TESK2: variants seen among roughly 807,000 people sequenced by gnomAD.
The protein encoded by TESK2 is testis associated actin remodelling kinase 2.
A neutral mutation model predicts 57.1 loss-of-function variants in TESK2; 39 were observed. The observed-to-expected ratio is 0.68, with a 90% CI of 0.53 to 0.89. The LOEUF (loss-of-function observed/expected upper bound fraction) is 0.89. Ranked by LOEUF, TESK2 falls within the 40% of genes least tolerant of loss-of-function variation. The pLI, the probability that TESK2 is intolerant of heterozygous loss-of-function variation, is 0.00. For synonymous variants in TESK2, 249 were observed against 267.9 expected, an observed-to-expected ratio of 0.93 and a Z score of 0.69; for missense variants, 646 against 732.1, an observed-to-expected ratio of 0.88 and a Z score of 1.36.
chr1:45,462,250 T>C (rs1049714213), intron 1 of TESK2, among the ~76,000 whole-genome samples: 2 of 151,930 alleles, frequency 1.3e-5, no homozygotes, highest in Non-Finnish European at 2.9e-5. Context: ...GTTCCATCCA[T>C]GCTGTTGCAA....
At chr1:45,421,309 A>C (rs953817910) in intron 3 of TESK2, among the ~76,000 whole-genome samples, 6 of 152,188 alleles carry the variant, frequency 3.9e-5, no homozygotes, top group Non-Finnish European at 8.8e-5. Context: ...GAGTGCTAAA[A>C]GTTAAGGATA....
chr1:45,453,180 C>CAA (rs540991542), intron 2 of TESK2, among the ~76,000 whole-genome samples: 1 of 149,298 alleles, frequency 6.7e-6, no homozygotes, highest in African/African-American at 2.5e-5. Flanking sequence ...CACAACTCTA[C>CAA]AAAAAAAAAT....
At position 45,382,518 on chromosome 1, in the gene TESK2, C is replaced by T. The variant is rs185520077; in HGVS notation, c.393+3394G>A. Among the ~76,000 whole-genome samples the T allele has an allele frequency of 2.6e-4, 40 of 152,286 alleles. No individual in the cohort carries two copies. In the East Asian group the frequency reaches 5.4e-3, roughly 21 times the overall value. On this transcript the variant is annotated intron_variant, in intron 4 of 10. Transcript: ENST00000372086. ...CCTCTGGAAGTGTTGGGATTACAGG[C>T]GTGAACTACCATGCCCAGACTATGC...
chr1:45,368,941 G>A (rs1262300318), intron 4 of TESK2, among the ~76,000 whole-genome samples: 2 of 150,696 alleles, frequency 1.3e-5, no homozygotes, highest in Non-Finnish European at 3.0e-5. Context: ...TTTTAGTGGA[G>A]ATGGGGTTTC....
intron 1 of TESK2, among the ~76,000 whole-genome samples, chr1:45,471,315 G>A (rs967101136): frequency 2.0e-5 from 3 of 152,164 alleles, no homozygotes; most frequent in African/African-American, 7.2e-5. Flanking sequence ...CTGGTAGGAG[G>A]ATGTACAAAA....
intron 1 of TESK2, among the ~76,000 whole-genome samples, chr1:45,483,523 G>T (rs534859700): frequency 1.3e-5 from 2 of 151,736 alleles, no homozygotes; most frequent in Non-Finnish European, 2.9e-5. Flanking sequence ...GCTTGAACCC[G>T]GCAGGCAGAG....
In TESK2 at chr1:45,345,304, G is replaced by A. The variant is rs754538251; in HGVS notation, c.1252C>T (p.Leu418=). 3.7e-6 allele frequency: 6 copies of A among 1,614,138 alleles called. No individual in the cohort carries two copies. The Admixed American group carries it at 8.3e-5, about 22-fold the overall frequency. The part of the protein sequence containing the change: ...LMGGKIKFFD[L]PSKSVISLVF... ...AGAGAGATGACAGACTTGCTGGGCA[G>A]GTCAAAAAACTTGATCTTGCCCCCC... The change falls in exon 11 of 11, where the codon CTG becomes TTG. Residue 418 remains leucine, a synonymous_variant. Coordinates refer to ENST00000372086, the MANE Select transcript of TESK2 (RefSeq NM_007170.3).
rs1399709567 is a variant in TESK2 at position 45,481,776 on chromosome 1, C to T, written c.-87+9076G>A. Among the ~76,000 whole-genome samples, 4 of 152,044 alleles carry T rather than the reference C, an allele frequency of 2.6e-5. No individual in the cohort carries two copies. In the East Asian group the frequency reaches 5.8e-4, roughly 22 times the overall value. ...TGAATGCAGAAAATATATGTAGATA[C>T]TAGTCTATTTTATTATTTACTATAA... is the stretch of plus-strand genomic sequence containing the variant. On this transcript the variant is annotated intron_variant, in intron 1 of 10. Coordinates refer to ENST00000372086, the MANE Select transcript of TESK2 (RefSeq NM_007170.3).
chr1:45,407,139 G>C (rs1226742463), intron 3 of TESK2, among the ~76,000 whole-genome samples: 1 of 152,148 alleles, frequency 6.6e-6, no homozygotes, highest in Non-Finnish European at 1.5e-5. Context: ...AGGCTAGAGT[G>C]CAGCGGTGTG....
intron 2 of TESK2, among the ~76,000 whole-genome samples, chr1:45,444,461 G>A (rs1442929658): frequency 1.3e-5 from 2 of 152,106 alleles, no homozygotes; most frequent in South Asian, 2.1e-4. Flanking sequence ...CATTCATAGT[G>A]GGATAATGCT....
intron 3 of TESK2, among the ~76,000 whole-genome samples, chr1:45,399,297 C>T (rs1409421309): frequency 2.6e-5 from 4 of 151,594 alleles, no homozygotes; most frequent in Non-Finnish European, 5.9e-5. Context: ...TACAGGTACG[C>T]ACCACCACAC....
chr1:45,398,999 A>AC (rs748202610), intron 3 of TESK2: 231 of 433,838 alleles, frequency 5.3e-4, no homozygotes, highest in Middle Eastern at 1.3e-3. Flanking sequence ...AAAAAAAAAA[A>AC]AAAAAAAACA....
intron 3 of TESK2, among the ~76,000 whole-genome samples, chr1:45,401,065 C>T (rs900620898): frequency 3.4e-5 from 5 of 146,142 alleles, no homozygotes; most frequent in Non-Finnish European, 7.5e-5. Context: ...AGAGGTGTGA[C>T]ATAGTCTAAA....
chr1:45,482,839 G>T (rs1487026430), intron 1 of TESK2, among the ~76,000 whole-genome samples: 1 of 151,904 alleles, frequency 6.6e-6, no homozygotes, highest in Non-Finnish European at 1.5e-5. Flanking sequence ...AATTAGCTGG[G>T]CGTGGTGGCA....
At chr1:45,436,923 A>G (rs1651257706) in intron 2 of TESK2, among the ~76,000 whole-genome samples, 2 of 150,458 alleles carry the variant, frequency 1.3e-5, no homozygotes, top group African/African-American at 4.9e-5. Flanking sequence ...TCAGCTTCCC[A>G]AGTACTTGGA....
At chr1:45,377,497 C>G (rs1252812089) in intron 4 of TESK2, among the ~76,000 whole-genome samples, 1 of 149,772 alleles carries the variant, frequency 6.7e-6, no homozygotes, top group African/African-American at 2.5e-5. Flanking sequence ...CGGCTCACTG[C>G]CACCTCTGCC....
At chr1:45,473,429 C>T (rs879766575) in intron 1 of TESK2, among the ~76,000 whole-genome samples, 1 of 152,110 alleles carries the variant, frequency 6.6e-6, no homozygotes. Context: ...TACTTTTGCA[C>T]CAACCTAATA....
chr1:45,394,491 T>C (rs1649276061), intron 3 of TESK2, among the ~76,000 whole-genome samples: 1 of 150,766 alleles, frequency 6.6e-6, no homozygotes, highest in South Asian at 2.1e-4. Flanking sequence ...AACAAACCCA[T>C]GAAGGATCTT....
intron 2 of TESK2, among the ~76,000 whole-genome samples, chr1:45,454,173 T>C (rs954039526): frequency 2.0e-5 from 3 of 152,130 alleles, no homozygotes; most frequent in South Asian, 2.1e-4. Flanking sequence ...AGACAAATAC[T>C]GTATGTTTTC....
Sources: allele counts gnomAD v4.1 joint callset (sites outside exome capture counted in the v4.1 genomes callset), GRCh38; gene constraint gnomAD v4.1.1; transcripts MANE v1.5; gene names NCBI Gene and HGNC (gene_info 2026-07-23, HGNC 2026-07-21).